RASSF3: variants seen among roughly 807,000 people sequenced by gnomAD.
The protein encoded by RASSF3 is Ras association domain family member 3.
RASSF3 carries 19 observed loss-of-function variants against 19.9 expected under a neutral mutation model. That is an observed-to-expected ratio of 0.96 (90% CI 0.67 to 1.40). The LOEUF (loss-of-function observed/expected upper bound fraction) is 1.40, where lower values mean the gene tolerates loss of function less well. RASSF3 is among the 40% of genes most tolerant of loss of function. RASSF3 has a pLI of 0.00. For synonymous variants in RASSF3, 110 were observed against 104.2 expected (o/e 1.06, Z -0.34); for missense variants, 306 against 289.8 (o/e 1.06, Z -0.41).
chr12:64,537,251 G>A (rs1389445627), intron 1 of RASSF3, among the ~76,000 whole-genome samples: 1 of 152,108 alleles, frequency 6.6e-6, no homozygotes, highest in African/African-American at 2.4e-5. Context: ...CTGCCACTTT[G>A]TGTAAACTCC....
intron 2 of RASSF3, among the ~76,000 whole-genome samples, chr12:64,597,994 T>C (rs1008918347): frequency 6.6e-6 from 1 of 152,180 alleles, no homozygotes; most frequent in Non-Finnish European, 1.5e-5. Context: ...CTCAGTTTAC[T>C]GCAACCTCTG....
At chr12:64,562,023 T>TTATTTATTTTTGTTTG (rs141301351) in intron 2 of RASSF3, among the ~76,000 whole-genome samples, 3 of 139,868 alleles carry the variant, frequency 2.1e-5, no homozygotes, top group Non-Finnish European at 4.7e-5. Flanking sequence ...ATTTATTTAT[T>TTATTTATTTTTGTTTG]TTTGTTTGTT....
At chr12:64,626,732 T>A (rs1246503129) in intron 1 of RASSF3, among the ~76,000 whole-genome samples, 1 of 152,028 alleles carries the variant, frequency 6.6e-6, no homozygotes, top group Non-Finnish European at 1.5e-5. Flanking sequence ...TGGCTAATTT[T>A]AAAAAATGTT....
intron 1 of RASSF3, among the ~76,000 whole-genome samples, chr12:64,519,835 T>C (rs1868431449): frequency 6.6e-6 from 1 of 152,090 alleles, no homozygotes; most frequent in Non-Finnish European, 1.5e-5. Flanking sequence ...CGTGTATATA[T>C]GTGTATGTAT....
chr12:64,523,884 T>C (rs1868529486), intron 1 of RASSF3, among the ~76,000 whole-genome samples: 1 of 151,832 alleles, frequency 6.6e-6, no homozygotes, highest in Non-Finnish European at 1.5e-5. Context: ...GGGACAAATG[T>C]TTTCAATAAA....
Position 64,522,683 on chromosome 12 carries a change from C to T in RASSF3, c.169+15354C>T, listed in dbSNP as rs73315553. On this transcript the variant is annotated intron_variant, in intron 1 of 5. Coordinates refer to the RASSF3 transcript ENST00000637125. Reference sequence around the variant, plus strand: ...GAAACTTGTGTGCCAGGAGTCTCAACGCAAGAAATAAAAAAAACTGGAAGT... The same window carrying T: ...GAAACTTGTGTGCCAGGAGTCTCAATGCAAGAAATAAAAAAAACTGGAAGT... 4.1e-3 allele frequency among the ~76,000 whole-genome samples: 624 copies of T among 151,854 alleles called. 3 individuals carry two copies. Among genetic ancestry groups the T allele is most frequent in the African/African-American group, 0.014 (591 of 41,486 alleles).
intron 2 of RASSF3, among the ~76,000 whole-genome samples, chr12:64,685,439 T>G (rs1041681130): frequency 6.6e-6 from 1 of 151,996 alleles, no homozygotes; most frequent in African/African-American, 2.4e-5. Context: ...GAGACGGGGT[T>G]TTGCCATATC....
intron 1 of RASSF3, among the ~76,000 whole-genome samples, chr12:64,507,837 C>T (rs528517421): frequency 6.6e-6 from 1 of 152,100 alleles, no homozygotes; most frequent in Non-Finnish European, 1.5e-5. Flanking sequence ...ATTTAAAGCA[C>T]CTTATATTTG....
chr12:64,552,733 T>C (rs745335545), intron 2 of RASSF3, among the ~76,000 whole-genome samples: 15 of 152,358 alleles, frequency 9.8e-5, no homozygotes, highest in Non-Finnish European at 1.8e-4. Flanking sequence ...TGCATAGTAT[T>C]CCATAGTGTA....
intron 2 of RASSF3, among the ~76,000 whole-genome samples, chr12:64,579,190 T>A (rs1869645899): frequency 6.6e-6 from 1 of 152,074 alleles, no homozygotes; most frequent in South Asian, 2.1e-4. Context: ...CACAACCGTG[T>A]TAGAAAGTCT....
chr12:64,649,716 T>C (rs556657618), intron 1 of RASSF3, among the ~76,000 whole-genome samples: 9 of 152,314 alleles, frequency 5.9e-5, no homozygotes, highest in African/African-American at 1.7e-4. Context: ...TGCTTAACAC[T>C]TCCAAAACAA....
chr12:64,602,024 G>A (rs1870100889), intron 2 of RASSF3, among the ~76,000 whole-genome samples: 1 of 151,806 alleles, frequency 6.6e-6, no homozygotes, highest in African/African-American at 2.4e-5. Context: ...GGCTGAGGCG[G>A]GAGAATGGGG....
At chr12:64,584,541 C>T (rs1479353164) in intron 2 of RASSF3, among the ~76,000 whole-genome samples, 1 of 148,520 alleles carries the variant, frequency 6.7e-6, no homozygotes, top group Non-Finnish European at 1.5e-5. Flanking sequence ...AAAGTCAGTG[C>T]TCTATTTCTG....
chr12:64,671,387 G>A (rs1021965117), intron 1 of RASSF3, among the ~76,000 whole-genome samples: 4 of 152,080 alleles, frequency 2.6e-5, no homozygotes, highest in African/African-American at 7.2e-5. Flanking sequence ...CCCTGGCCTC[G>A]CCTCTTGTGA....
At chr12:64,646,976 CT>C (rs1294507410) in intron 1 of RASSF3, among the ~76,000 whole-genome samples, 1 of 152,126 alleles carries the variant, frequency 6.6e-6, no homozygotes, top group Non-Finnish European at 1.5e-5. Context: ...GAAGCTAAAG[CT>C]TTGAGAGGTT....
chr12:64,605,442 T>A (rs922905553), intron 2 of RASSF3, among the ~76,000 whole-genome samples: 6 of 152,186 alleles, frequency 3.9e-5, no homozygotes, highest in African/African-American at 1.4e-4. Context: ...TTAAAAACTC[T>A]TACTTCTTTT....
At chr12:64,602,667 G>A (rs1467101902) in intron 2 of RASSF3, among the ~76,000 whole-genome samples, 3 of 151,812 alleles carry the variant, frequency 2.0e-5, no homozygotes, top group East Asian at 1.9e-4. Context: ...TATACACCAC[G>A]CTGAGCCCAG....
upstream of RASSF3, among the ~76,000 whole-genome samples, chr12:64,530,752 C>T (rs1282678812): frequency 6.6e-6 from 1 of 152,196 alleles, no homozygotes; most frequent in East Asian, 1.9e-4. Flanking sequence ...ATCTTCATTT[C>T]AGCCATTCCA....
Position 64,691,587 on chromosome 12 carries a change from A to C in RASSF3, c.567+8A>C, listed in dbSNP as rs758157422. On this transcript the variant is annotated splice_region_variant and intron_variant, in intron 4 of 4. Coordinates refer to ENST00000542104, the MANE Select transcript of RASSF3 (RefSeq NM_178169.4). ...GAACATGAAATTGGAGAGGTAAGTT[A>C]TTGTTCACTATTGCTTTAAACTATA... The C allele has an allele frequency of 5.9e-6, 9 of 1,534,890 alleles. No homozygotes were observed. The highest frequency in any genetic ancestry group is 2.7e-5 in the African/African-American group (2 of 73,374).
Sources: allele counts gnomAD v4.1 joint callset (sites outside exome capture counted in the v4.1 genomes callset), GRCh38; gene constraint gnomAD v4.1.1; transcripts MANE v1.5; gene names NCBI Gene and HGNC (gene_info 2026-07-23, HGNC 2026-07-21).